The following ONECUT2 variants were observed in gnomAD, a reference collection of about 807,000 sequenced individuals.
ONECUT2 encodes one cut homeobox 2.
Under a neutral mutation model 27.9 loss-of-function variants are expected in ONECUT2, and 10 were observed. The ratio of observed to expected loss-of-function variants is 0.36; its 90% CI spans 0.22 to 0.61. ONECUT2 has a LOEUF of 0.61. Ranked by LOEUF, ONECUT2 falls within the 20% of genes least tolerant of loss-of-function variation. The pLI is 0.73. For synonymous variants in ONECUT2, 334 were observed against 315.1 expected, an observed-to-expected ratio of 1.06 and a Z score of -0.64; for missense variants, 686 against 721.0, an observed-to-expected ratio of 0.95 and a Z score of 0.56.
chr18:57,480,174 C>T lies in ONECUT2; in HGVS notation c.*3451C>T, dbSNP rs1437711579. ...AGGAGCTGTGAGAGAATGTGACTCT[C>T]CACAATTTTTATAATTCATCCTTCC... On this transcript the variant is annotated 3_prime_UTR_variant, in exon 2 of 2. Transcript: ENST00000491143. 2 of 152,164 alleles carry T rather than the reference C, an allele frequency of 1.3e-5. No individual in the cohort carries two copies. Among genetic ancestry groups the T allele is most frequent in the Non-Finnish European group, 2.9e-5 (2 of 68,050 alleles). The allele number at this position is 152,164 out of a possible 1,614,324, so 9.4% of individuals were successfully genotyped here. A position where few individuals can be genotyped will look rare whatever the true frequency, so the allele number is the denominator to read the frequency against.
chr18:57,476,798 G>T lies in ONECUT2; in HGVS notation c.*75G>T. The T allele has an allele frequency of 6.0e-6, 9 of 1,498,196 alleles. No individual in the cohort carries two copies. The South Asian group carries it at 1.2e-4, about 19-fold the overall frequency. The allele number at this position is 1,498,196 out of a possible 1,614,324, so 92.8% of individuals were successfully genotyped here. On this transcript the variant is annotated 3_prime_UTR_variant, in exon 2 of 2. Coordinates refer to ENST00000491143, the MANE Select transcript of ONECUT2 (RefSeq NM_004852.3). ...ATACCAAAAGAAAACAAAGGAAAAA[G>T]ACACCGGATTCCTAGCTGGGGCCCT...
In ONECUT2 at chr18:57,444,698, C is replaced by T. The variant is rs907285952; in HGVS notation, c.1228+7754C>T. On this transcript the variant is annotated intron_variant, in intron 1 of 1. Transcript: ENST00000491143. ...GAAGCCCTTATCCTTTTATGCAGGG[C>T]CAGGGAAACCTTTCATATTGATCCT... Among the ~76,000 whole-genome samples, 3 of 152,340 alleles carry T rather than the reference C, an allele frequency of 2.0e-5. No homozygotes were observed. In the East Asian group the frequency reaches 5.8e-4, roughly 29 times the overall value.
chr18:57,436,166 G>T lies in ONECUT2; in HGVS notation c.450G>T (p.Thr150=). ...PGMGMSNTYT[T]LTPLQPLPPI... ...TGGGCATGAGCAACACCTACACCAC[G>T]CTGACACCGCTCCAGCCGCTGCCAC... Residue 150 remains threonine, a synonymous_variant, in exon 1 of 2, where the codon ACG becomes ACT. Coordinates refer to ENST00000491143, the MANE Select transcript of ONECUT2 (RefSeq NM_004852.3). This position sits in a 1 kb window ranked among gnomAD's most constrained non-coding sequence, Gnocchi z 5.9. 3 of 1,606,088 alleles carry T rather than the reference G, an allele frequency of 1.9e-6. No homozygotes were observed. Among genetic ancestry groups the T allele is most frequent in the Non-Finnish European group, 2.5e-6 (3 of 1,179,638 alleles).
rs2050131912 is a variant in ONECUT2 at position 57,435,434 on chromosome 18, C to G, written c.-283C>G. On this transcript the variant is annotated 5_prime_UTR_variant, in exon 1 of 2. Coordinates refer to ENST00000491143, the MANE Select transcript of ONECUT2 (RefSeq NM_004852.3). Reference sequence around the variant, plus strand: ...GAAGACGTCGGCGCCGGAGCGGGCTCGGACATGGCGAGGCTGCGAGCCGGC... The same window carrying G: ...GAAGACGTCGGCGCCGGAGCGGGCTGGGACATGGCGAGGCTGCGAGCCGGC... 1.3e-5 allele frequency among the ~76,000 whole-genome samples: 2 copies of G among 151,576 alleles called. No homozygotes were observed. The highest frequency in any genetic ancestry group is 2.4e-5 in the African/African-American group (1 of 41,326).
At chr18:57,443,138 A>T (rs2050184875) in intron 1 of ONECUT2, among the ~76,000 whole-genome samples, 1 of 152,190 alleles carries the variant, frequency 6.6e-6, no homozygotes, top group South Asian at 2.1e-4. Context: ...TGTCTTCATG[A>T]AAAGTGGTAT....
intron 1 of ONECUT2, among the ~76,000 whole-genome samples, chr18:57,449,350 A>G (rs1037052168): frequency 3.3e-5 from 5 of 152,178 alleles, no homozygotes; most frequent in African/African-American, 9.7e-5. Context: ...CTTTTCTTTT[A>G]TATGACACTG....
intron 1 of ONECUT2, among the ~76,000 whole-genome samples, chr18:57,439,550 T>G (rs2144289480): frequency 6.6e-6 from 1 of 152,348 alleles, no homozygotes; most frequent in Non-Finnish European, 1.5e-5. Context: ...GATCAGTCTC[T>G]TCAGACACTG....
At position 57,460,480 on chromosome 18, in the gene ONECUT2, G is replaced by A. The variant is rs192804777; in HGVS notation, c.1229-15957G>A. Reference sequence around the variant, plus strand: ...TGGATCTATTAAATTCTGTGTCAACGTCATACTATTTAAATTATTTTTGCT... The same window carrying A: ...TGGATCTATTAAATTCTGTGTCAACATCATACTATTTAAATTATTTTTGCT... On this transcript the variant is annotated intron_variant, in intron 1 of 1. Transcript: ENST00000491143. Among the ~76,000 whole-genome samples, 4 of 151,910 alleles carry A rather than the reference G, an allele frequency of 2.6e-5. No homozygotes were observed. The East Asian group carries it at 7.7e-4, about 29-fold the overall frequency.
chr18:57,443,824 T>C (rs2050187962), intron 1 of ONECUT2, among the ~76,000 whole-genome samples: 1 of 152,152 alleles, frequency 6.6e-6, no homozygotes, highest in African/African-American at 2.4e-5. Flanking sequence ...CCACACAAAT[T>C]GTCCCAAAGG....
intron 1 of ONECUT2, among the ~76,000 whole-genome samples, chr18:57,439,020 A>G (rs962207760): frequency 3.3e-5 from 5 of 152,232 alleles, no homozygotes; most frequent in African/African-American, 1.2e-4. Flanking sequence ...AGTTAAAGGC[A>G]GGATGACAGC....
intron 1 of ONECUT2, among the ~76,000 whole-genome samples, chr18:57,445,811 T>G (rs2050198137): frequency 6.6e-6 from 1 of 152,188 alleles, no homozygotes; most frequent in African/African-American, 2.4e-5. Flanking sequence ...GATCACTTGT[T>G]TAAAAAACCA....
rs549805951 is a variant in ONECUT2 at position 57,489,728 on chromosome 18, T to A, written c.*13005T>A. 1 of 152,272 alleles carries A rather than the reference T, an allele frequency of 6.6e-6. No individual in the cohort carries two copies. Among genetic ancestry groups the A allele is most frequent in the African/African-American group, 2.4e-5 (1 of 41,552 alleles). The allele number at this position is 152,272 out of a possible 1,614,324, so 9.4% of individuals were successfully genotyped here. A position where few individuals can be genotyped will look rare whatever the true frequency, so the allele number is the denominator to read the frequency against. On this transcript the variant is annotated 3_prime_UTR_variant, in exon 2 of 2. Coordinates refer to ENST00000491143, the MANE Select transcript of ONECUT2 (RefSeq NM_004852.3). ...AACAGATACTTCCTTGAAGGTAGAA[T>A]ATTATTTCCTTTCTTTACAGTTTTG...
chr18:57,476,526 A>G lies in ONECUT2; in HGVS notation c.1318A>G (p.Thr440Ala). 1 of 1,614,242 alleles carries G rather than the reference A, an allele frequency of 6.2e-7. No individual in the cohort carries two copies. Among genetic ancestry groups the G allele is most frequent in the Non-Finnish European group, 8.5e-7 (1 of 1,180,040 alleles). The change falls in exon 2 of 2, where the codon ACA (threonine) becomes GCA (alanine). Residue 440 changes from threonine to alanine, a missense_variant. Transcript: ENST00000491143. Reference sequence around the variant, plus strand: ...GGTGTTCACTGACCTCCAACGCCGAACACTCTTCGCCATCTTCAAGGAGAA... The same window carrying G: ...GGTGTTCACTGACCTCCAACGCCGAGCACTCTTCGCCATCTTCAAGGAGAA... Reference protein sequence around the residue: ...RLVFTDLQRRTLFAIFKENKR... With the variant: ...RLVFTDLQRRALFAIFKENKR...
At position 57,487,833 on chromosome 18, in the gene ONECUT2, CA is replaced by C. The variant is rs2050445769; in HGVS notation, c.*11114del. 6.6e-6 allele frequency: 1 copy of C among 152,170 alleles called. No individual in the cohort carries two copies. The highest frequency in any genetic ancestry group is 6.5e-5 in the Admixed American group (1 of 15,268). 9.4% of individuals were successfully genotyped at this position (152,170 alleles called of 1,614,324 possible). On this transcript the variant is annotated 3_prime_UTR_variant, in exon 2 of 2. Coordinates refer to ENST00000491143, the MANE Select transcript of ONECUT2 (RefSeq NM_004852.3). ...TCAATTATCTGAGGCCTCTATATGT[CA>C]AAACTATTTTTCAGTTGCAGGGGAT...
At chr18:57,443,766 G>A (rs1161810537) in intron 1 of ONECUT2, among the ~76,000 whole-genome samples, 7 of 152,134 alleles carry the variant, frequency 4.6e-5, no homozygotes, top group South Asian at 2.1e-4. Context: ...GCCTCACTTC[G>A]GGAGCAGGAT....
In ONECUT2 at chr18:57,491,234, T is replaced by C. The variant is rs1451966113; in HGVS notation, c.*14511T>C. ...ACTGGATTCTTTCTATTTTTATTCCTATCATTAAATGGTAGTGCTGTAAAT... is the reference window on the plus strand; with the variant it reads ...ACTGGATTCTTTCTATTTTTATTCCCATCATTAAATGGTAGTGCTGTAAAT... On this transcript the variant is annotated 3_prime_UTR_variant, in exon 2 of 2. Transcript: ENST00000491143. 6.9e-6 allele frequency: 1 copy of C among 145,252 alleles called. No individual in the cohort carries two copies. The highest frequency in any genetic ancestry group is 1.5e-5 in the Non-Finnish European group (1 of 65,462). The allele number at this position is 145,252 out of a possible 1,614,324, so 9.0% of individuals were successfully genotyped here. A position where few individuals can be genotyped will look rare whatever the true frequency, so the allele number is the denominator to read the frequency against.
rs533049916 is a variant in ONECUT2 at position 57,438,973 on chromosome 18, G to C, written c.1228+2029G>C. On this transcript the variant is annotated intron_variant, in intron 1 of 1. Coordinates refer to ENST00000491143, the MANE Select transcript of ONECUT2 (RefSeq NM_004852.3). ...TACCCGCCGGCTTCTTGGGCACCGG[G>C]GACCAGAAGGAACTTGGCAGCTGGT... is the stretch of plus-strand genomic sequence containing the variant. Among the ~76,000 whole-genome samples the C allele has an allele frequency of 6.6e-5, 10 of 152,264 alleles. No individual in the cohort carries two copies. The South Asian group carries it at 1.9e-3, about 28-fold the overall frequency.
chr18:57,476,362 T>A, intron 1 of ONECUT2, 75 bp from the exon 2 acceptor site: 1 of 1,486,436 alleles, frequency 6.7e-7, no homozygotes, highest in Non-Finnish European at 9.1e-7. Context: ...TTTGTACAAC[T>A]TTGTCAATGT....
intron 1 of ONECUT2, among the ~76,000 whole-genome samples, chr18:57,462,121 A>T (rs978359954): frequency 6.6e-6 from 1 of 152,210 alleles, no homozygotes; most frequent in African/African-American, 2.4e-5. Flanking sequence ...CCATTTTGAT[A>T]GGTGTTTAAT....
Sources: allele counts gnomAD v4.1 joint callset (sites outside exome capture counted in the v4.1 genomes callset), GRCh38; gene constraint gnomAD v4.1.1; non-coding constraint Gnocchi (gnomAD v3.1); transcripts MANE v1.5; gene names NCBI Gene and HGNC (gene_info 2026-07-23, HGNC 2026-07-21).